PRICKLE4: variants seen among roughly 807,000 people sequenced by gnomAD.
PRICKLE4 encodes the protein prickle-like protein 4.
A neutral mutation model predicts 43.5 loss-of-function variants in PRICKLE4; 40 were observed. The ratio of observed to expected loss-of-function variants is 0.92; its 90% CI spans 0.71 to 1.20. The LOEUF is 1.20. PRICKLE4 is among the 50% of genes most tolerant of loss of function. The pLI, the probability that PRICKLE4 is intolerant of heterozygous loss-of-function variation, is 0.00. For synonymous variants in PRICKLE4, 208 were observed against 197.4 expected, an observed-to-expected ratio of 1.05 and a Z score of -0.45; for missense variants, 527 against 491.2, an observed-to-expected ratio of 1.07 and a Z score of -0.69.
chr6:41,782,563 T>A (rs75720073), intron 2 of PRICKLE4, among the ~76,000 whole-genome samples: 35,766 of 151,510 alleles, frequency 0.24, 5,080 homozygotes, highest in Middle Eastern at 0.35. Flanking sequence ...CTAATTTTTT[T>A]AATATTTTTA....
In PRICKLE4 at chr6:41,786,980, G is replaced by A. The variant is rs149565703; in HGVS notation, c.1006G>A (p.Asp336Asn). Residue 336 changes from aspartate (D) to asparagine (N), a missense_variant, in exon 8 of 8, where the codon GAC becomes AAC. Transcript: ENST00000458694. ...CCTGGAGACTATTCGTGATCCCAAG[G>A]ACACCCCTTTCTCCACCTGCTCCTC... ...CRLETIRDPKDTPFSTCSSSS... is the reference protein window; with the variant it reads ...CRLETIRDPKNTPFSTCSSSS... The A allele has an allele frequency of 2.4e-3, 3,834 of 1,614,048 alleles. 7 individuals are homozygous for A. The highest frequency in any genetic ancestry group is 2.8e-3 in the Non-Finnish European group (3,343 of 1,179,988).
intron 7 of PRICKLE4, 190 bp downstream of exon 7, chr6:41,786,522 G>A (rs1181348325): frequency 4.9e-6 from 5 of 1,023,988 alleles, no homozygotes; most frequent in South Asian, 1.4e-5. Context: ...CGTTCCAAGG[G>A]CCGCCCGAAC....
rs376424716 is a variant in PRICKLE4 at position 41,784,980 on chromosome 6, C to A, written c.286C>A (p.Gln96Lys). The A allele has an allele frequency of 2.1e-5, 34 of 1,613,936 alleles. No homozygotes were observed. The highest frequency in any genetic ancestry group is 5.0e-5 in the Admixed American group (3 of 59,938). ...TGGGGAGGAGGAGCGGGCCGAGCTGCAGCTCTTCTGTGCCAGGCGGAAGCA... is the reference window on the plus strand; with the variant it reads ...TGGGGAGGAGGAGCGGGCCGAGCTGAAGCTCTTCTGTGCCAGGCGGAAGCA... ...ALGEEERAEL[Q>K]LFCARRKQEA... Residue 96 changes from glutamine (Q) to lysine (K), a missense_variant, in exon 5 of 8, where the codon CAG becomes AAG. Gln to Lys is a moderately conservative substitution (Grantham distance 53). Transcript: ENST00000458694.
chr6:41,782,385 T>TACC (rs1772567461), intron 2 of PRICKLE4, among the ~76,000 whole-genome samples: 1 of 90,580 alleles, frequency 1.1e-5, no homozygotes, highest in African/African-American at 4.5e-5. Flanking sequence ...GGTCACTTCT[T>TACC]CTTTTTTTTT....
intron 7 of PRICKLE4, 126 bp from the exon 8 acceptor site, chr6:41,786,636 G>A: frequency 6.9e-7 from 1 of 1,445,068 alleles, no homozygotes; most frequent in Non-Finnish European, 9.2e-7. Flanking sequence ...GACTCTCGGC[G>A]GCGGCGGCGG....
Position 41,786,294 on chromosome 6 carries a change from C to G in PRICKLE4, c.749C>G (p.Ser250Trp), listed in dbSNP as rs763422639. 8.2e-6 allele frequency: 13 copies of G among 1,582,186 alleles called. No homozygotes were observed. The highest frequency in any genetic ancestry group is 1.0e-5 in the Non-Finnish European group (12 of 1,159,992). Residue 250 changes from serine (S) to tryptophan (W), a missense_variant, in exon 7 of 8, where the codon TCG becomes TGG. Coordinates refer to ENST00000458694, the MANE Select transcript of PRICKLE4 (RefSeq NM_013397.6). ...GAGAACCGCTACTCGGATGCAGGCTCGAGCTGGGCCGGGGCACTGGAAGGG... is the reference window on the plus strand; with the variant it reads ...GAGAACCGCTACTCGGATGCAGGCTGGAGCTGGGCCGGGGCACTGGAAGGG... The part of the protein sequence containing the change: ...CFENRYSDAG[S>W]SWAGALEGQA...
At position 41,786,112 on chromosome 6, in the gene PRICKLE4, C is replaced by T. The variant is rs1452143533; in HGVS notation, c.583-16C>T. 3.1e-6 allele frequency: 5 copies of T among 1,609,306 alleles called. No individual in the cohort carries two copies. The highest frequency in any genetic ancestry group is 3.4e-6 in the Non-Finnish European group (4 of 1,176,268). ...TGAATGAATGAAACGTTCCCCTCTC[C>T]CTCTCCCTCTCCCAGCTGATCTTCT... On this transcript the variant is annotated splice_polypyrimidine_tract_variant and intron_variant, in intron 6 of 7. Coordinates refer to ENST00000458694, the MANE Select transcript of PRICKLE4 (RefSeq NM_013397.6).
In PRICKLE4 at chr6:41,786,915, G is replaced by T; in HGVS notation, c.941G>T (p.Gly314Val). Reference protein sequence around the residue: ...GSSPQQENRPGDKAEAPKGQE... With the variant: ...GSSPQQENRPVDKAEAPKGQE... ...AGTCCCCAGCAGGAGAACCGACCTG[G>T]GGACAAAGCGGAGGCACCCAAAGGG... The change falls in exon 8 of 8, where the codon GGG (glycine) becomes GTG (valine). Residue 314 changes from glycine to valine, a missense_variant. Coordinates refer to ENST00000458694, the MANE Select transcript of PRICKLE4 (RefSeq NM_013397.6). 6.2e-7 allele frequency: 1 copy of T among 1,613,452 alleles called. No homozygotes were observed.
chr6:41,784,118 C>T lies in PRICKLE4; in HGVS notation c.133-13C>T. The T allele has an allele frequency of 1.3e-6, 2 of 1,587,604 alleles. No homozygotes were observed. The highest frequency in any genetic ancestry group is 3.6e-5 in the Admixed American group (2 of 55,420). ...CCTAGTTTCACTCCTCCCCTTCTTC[C>T]ATGTCTCCTCAGGGTCCTGCAGTTC... On this transcript the variant is annotated splice_polypyrimidine_tract_variant and intron_variant, in intron 3 of 7. Coordinates refer to ENST00000458694, the MANE Select transcript of PRICKLE4 (RefSeq NM_013397.6).
At chr6:41,783,086 G>A (rs1156606984) in intron 2 of PRICKLE4, among the ~76,000 whole-genome samples, 1 of 152,184 alleles carries the variant, frequency 6.6e-6, no homozygotes, top group Non-Finnish European at 1.5e-5. Context: ...GTGAGAAACG[G>A]TGGAAGTTAA....
Position 41,786,139 on chromosome 6 carries a change from C to T in PRICKLE4, c.594C>T (p.Ser198=), listed in dbSNP as rs758917310. 1 of 1,613,684 alleles carries T rather than the reference C, an allele frequency of 6.2e-7. No homozygotes were observed. The highest frequency in any genetic ancestry group is 8.5e-7 in the Non-Finnish European group (1 of 1,179,838). The change falls in exon 7 of 8, where the codon TCC becomes TCT. Residue 198 remains serine (S), a synonymous_variant. Coordinates refer to ENST00000458694, the MANE Select transcript of PRICKLE4 (RefSeq NM_013397.6). ...TCTCCCTCTCCCAGCTGATCTTCTC[C>T]TGGCGCTGCACCGAGGCGGAGGGAC... is the stretch of plus-strand genomic sequence containing the variant. ...RCPACDQLIF[S]WRCTEAEGQR...
intron 5 of PRICKLE4, 85 bp downstream of exon 5, chr6:41,785,157 G>C: frequency 6.3e-7 from 1 of 1,581,584 alleles, no homozygotes; most frequent in Non-Finnish European, 8.6e-7. Context: ...TAGCTTCTGG[G>C]ATTCTGGTTG....
chr6:41,785,217 C>T, intron 5 of PRICKLE4, 120 bp from the exon 6 acceptor site: 1 of 1,503,308 alleles, frequency 6.7e-7, no homozygotes, highest in Non-Finnish European at 9.1e-7. Flanking sequence ...GTATAGGTTG[C>T]AGTGGATGTG....
At position 41,786,282 on chromosome 6, in the gene PRICKLE4, C is replaced by G; in HGVS notation, c.737C>G (p.Ser246Trp). ...CCCAGCTGCTTCGAGAACCGCTACT[C>G]GGATGCAGGCTCGAGCTGGGCCGGG... ...CCPSCFENRY[S>W]DAGSSWAGAL... Residue 246 changes from serine (S) to tryptophan (W), a missense_variant, in exon 7 of 8, where the codon TCG becomes TGG. Transcript: ENST00000458694. The G allele has an allele frequency of 6.3e-7, 1 of 1,593,894 alleles. No individual in the cohort carries two copies. Among genetic ancestry groups the G allele is most frequent in the Non-Finnish European group, 8.6e-7 (1 of 1,166,114 alleles).
rs1378834018 is a variant in PRICKLE4, at chr6:41,787,110, C to T, written c.1136C>T (p.Thr379Met). 2 of 1,607,006 alleles carry T rather than the reference C, an allele frequency of 1.2e-6. No homozygotes were observed. Among genetic ancestry groups the T allele is most frequent in the Admixed American group, 1.7e-5 (1 of 59,696 alleles). The change falls in exon 8 of 8, where the codon ACG (threonine) becomes ATG (methionine). Residue 379 changes from threonine (T) to methionine (M), a missense_variant. By Grantham distance (81) the Thr-to-Met change is moderately conservative. Coordinates refer to ENST00000458694, the MANE Select transcript of PRICKLE4 (RefSeq NM_013397.6). The stretch of plus-strand genomic sequence containing the variant: ...GCAGAGGACAGCAACGCCTCTAAGA[C>T]GCACTGCACCATGTGCTAGTGGCGC... ...LQAEDSNASK[T>M]HCTMC
At chr6:41,786,726 C>T (rs763292578) in intron 7 of PRICKLE4, 36 bp from the exon 8 acceptor site, 4 of 1,612,248 alleles carry the variant, frequency 2.5e-6, no homozygotes, top group South Asian at 1.1e-5. Flanking sequence ...AGCTCCGCGG[C>T]TCTGAGACCA....
chr6:41,783,595 C>T lies in PRICKLE4; in HGVS notation c.122C>T (p.Thr41Ile). The T allele has an allele frequency of 6.2e-7, 1 of 1,613,358 alleles. No individual in the cohort carries two copies. The highest frequency in any genetic ancestry group is 8.5e-7 in the Non-Finnish European group (1 of 1,179,662). Residue 41 changes from threonine to isoleucine, a missense_variant, in exon 3 of 8, where the codon ACC (threonine) becomes ATC (isoleucine). Thr to Ile is a moderately conservative substitution (Grantham distance 89, BLOSUM62 -1). Transcript: ENST00000458694. ...CTGCCGGGGGAGGACCCTGAGGATA[C>T]CCATGCTCAGGTAGTAGAGTCGTGC... Reference protein sequence around the residue: ...GHLPGEDPEDTHAQGPAVLSL... With the variant: ...GHLPGEDPEDIHAQGPAVLSL...
intron 2 of PRICKLE4, among the ~76,000 whole-genome samples, chr6:41,782,834 T>C (rs543495112): frequency 1.3e-5 from 2 of 152,322 alleles, no homozygotes; most frequent in Admixed American, 6.5e-5. Flanking sequence ...GAGGAACTTA[T>C]AGACTAGATT....
Position 41,786,919 on chromosome 6 carries a change from C to CA in PRICKLE4, c.948dup (p.Ala317SerfsTer17). 6.2e-7 allele frequency: 1 copy of CA among 1,613,534 alleles called. No individual in the cohort carries two copies. Among genetic ancestry groups the CA allele is most frequent in the Non-Finnish European group, 8.5e-7 (1 of 1,179,656 alleles). ...CCCAGCAGGAGAACCGACCTGGGGA[C>CA]AAAGCGGAGGCACCCAAAGGGCAGG... On this transcript the variant is annotated frameshift_variant, in exon 8 of 8. Coordinates refer to ENST00000458694, the MANE Select transcript of PRICKLE4 (RefSeq NM_013397.6). LOFTEE classifies it high-confidence loss of function.
Sources: gnomAD v4.1 joint callset for allele counts (sites outside exome capture counted in the v4.1 genomes callset) on GRCh38, gnomAD v4.1.1 for gene constraint, MANE v1.5 for transcripts, NCBI Gene and HGNC (gene_info 2026-07-23, HGNC 2026-07-21) for gene names.